Variants in CNTN4 observed in about 807,000 individuals in gnomAD.
The protein encoded by CNTN4 is contactin-4.
CNTN4 carries 77 observed loss-of-function variants against 122.5 expected under a neutral mutation model. That is an observed-to-expected ratio of 0.63 (90% CI 0.52 to 0.76). CNTN4 has a LOEUF of 0.76. Among genes scored for constraint, CNTN4 ranks in the 30% least tolerant of loss-of-function variants. The pLI is 0.00. For synonymous variants in CNTN4, 512 were observed against 447.0 expected, an observed-to-expected ratio of 1.15 and a Z score of -1.83; for missense variants, 1,256 against 1,259.1, an observed-to-expected ratio of 1.00 and a Z score of 0.04.
At chr3:2,227,745 C>T (rs1388628999) in intron 2 of CNTN4, among the ~76,000 whole-genome samples, 2 of 152,104 alleles carry the variant, frequency 1.3e-5, no homozygotes, top group Non-Finnish European at 1.5e-5. Context: ...TGCACCTCTT[C>T]CTGGCAGATG....
chr3:2,705,627 TA>T (rs1202349792), intron 4 of CNTN4, among the ~76,000 whole-genome samples: 1 of 51,258 alleles, frequency 2.0e-5, no homozygotes, highest in Non-Finnish European at 3.3e-5. Context: ...ATATAATATA[TA>T]AATATATATA....
At chr3:2,824,330 G>A (rs968564685) in intron 7 of CNTN4, among the ~76,000 whole-genome samples, 4 of 151,902 alleles carry the variant, frequency 2.6e-5, no homozygotes, top group African/African-American at 7.2e-5. Context: ...GCTGGTGTGC[G>A]CCTATAATCC....
chr3:2,295,734 A>G (rs987053293), intron 2 of CNTN4, among the ~76,000 whole-genome samples: 176 of 152,144 alleles, frequency 1.2e-3, no homozygotes, highest in African/African-American at 4.0e-3. Context: ...TTGGTGTTTT[A>G]GACATGAAGT....
intron 4 of CNTN4, among the ~76,000 whole-genome samples, chr3:2,583,548 G>A (rs2080043563): frequency 6.6e-6 from 1 of 152,134 alleles, no homozygotes; most frequent in African/African-American, 2.4e-5. Flanking sequence ...GTATTTGATT[G>A]GCTTTGTCAA....
At chr3:2,996,133 G>A (rs1695512601) in intron 14 of CNTN4, among the ~76,000 whole-genome samples, 1 of 152,114 alleles carries the variant, frequency 6.6e-6, no homozygotes, top group Non-Finnish European at 1.5e-5. Flanking sequence ...GTGAGATTAT[G>A]TGAAAGGACT....
intron 12 of CNTN4, among the ~76,000 whole-genome samples, chr3:2,916,371 C>G (rs950206795): frequency 3.4e-5 from 5 of 148,874 alleles, no homozygotes; most frequent in African/African-American, 1.2e-4. Context: ...GTTTGTGTCC[C>G]TGGGTACTTG....
intron 4 of CNTN4, among the ~76,000 whole-genome samples, chr3:2,624,627 CTTT>C (rs1175851279): frequency 1.8e-4 from 16 of 89,930 alleles, no homozygotes; most frequent in Admixed American, 4.1e-4. Context: ...ATTTCTGATT[CTTT>C]TTTTTTTTTT....
At chr3:2,562,795 C>G (rs926701430) in intron 3 of CNTN4, among the ~76,000 whole-genome samples, 12 of 151,862 alleles carry the variant, frequency 7.9e-5, no homozygotes, top group Admixed American at 2.6e-4. Flanking sequence ...ACGATCTTGG[C>G]TCACTGCAGA....
At chr3:2,755,114 C>T (rs180755452) in intron 6 of CNTN4, among the ~76,000 whole-genome samples, 156 of 152,202 alleles carry the variant, frequency 1.0e-3, no homozygotes, top group Admixed American at 1.8e-3. Flanking sequence ...CTTCTATTCA[C>T]GGTAATTTTC....
intron 8 of CNTN4, among the ~76,000 whole-genome samples, chr3:2,869,433 G>A (rs1489809632): frequency 6.6e-6 from 1 of 152,172 alleles, no homozygotes; most frequent in African/African-American, 2.4e-5. Context: ...CAGTGGAAGA[G>A]AAAATCAAGG....
At chr3:2,569,357 G>C (rs1221564061) in intron 3 of CNTN4, among the ~76,000 whole-genome samples, 4 of 152,168 alleles carry the variant, frequency 2.6e-5, no homozygotes, top group Non-Finnish European at 4.4e-5. Context: ...ATGTTTTCAT[G>C]TAAGCCTGTG....
intron 2 of CNTN4, among the ~76,000 whole-genome samples, chr3:2,119,643 C>G (rs2033591898): frequency 6.6e-6 from 1 of 152,146 alleles, no homozygotes; most frequent in Non-Finnish European, 1.5e-5. Flanking sequence ...CCAGGTGTGG[C>G]TTTTGTCTTC....
intron 20 of CNTN4, among the ~76,000 whole-genome samples, chr3:3,040,885 CCACTG>C (rs1320961508): frequency 2.0e-5 from 3 of 151,872 alleles, no homozygotes; most frequent in Non-Finnish European, 2.9e-5. Flanking sequence ...CGAGATCGCA[CCACTG>C]CACTCCAGCC....
chr3:2,510,067 C>G (rs2076839655), intron 3 of CNTN4, among the ~76,000 whole-genome samples: 1 of 152,152 alleles, frequency 6.6e-6, no homozygotes, highest in Non-Finnish European at 1.5e-5. Flanking sequence ...ACTTACTGAG[C>G]ATGATGTTTC....
At chr3:3,054,198 A>G (rs1701554924) in intron 24 of CNTN4, among the ~76,000 whole-genome samples, 1 of 152,330 alleles carries the variant, frequency 6.6e-6, no homozygotes, top group East Asian at 1.9e-4. Context: ...CAAAAATCAG[A>G]TTAAAGCAGA....
At chr3:2,963,069 A>C (rs2125021960) in intron 13 of CNTN4, among the ~76,000 whole-genome samples, 1 of 152,216 alleles carries the variant, frequency 6.6e-6, no homozygotes, top group African/African-American at 2.4e-5. Flanking sequence ...GATTATGTTC[A>C]TGTTTTTGGC....
intron 3 of CNTN4, among the ~76,000 whole-genome samples, chr3:2,555,199 C>T (rs924348851): frequency 6.6e-6 from 1 of 152,162 alleles, no homozygotes; most frequent in African/African-American, 2.4e-5. Flanking sequence ...CTTCGTGAGT[C>T]ACTTATCCAC....
chr3:2,863,449 T>TC (rs1387645952), intron 7 of CNTN4, among the ~76,000 whole-genome samples: 1 of 149,318 alleles, frequency 6.7e-6, no homozygotes, highest in East Asian at 1.9e-4. Context: ...TTCTTCTTTT[T>TC]TTTTTTTTTT....
At chr3:2,212,914 C>T (rs182695715) in intron 2 of CNTN4, among the ~76,000 whole-genome samples, 43 of 152,216 alleles carry the variant, frequency 2.8e-4, no homozygotes, top group Non-Finnish European at 4.9e-4. Flanking sequence ...AAAATGTGAT[C>T]CACAGATCAT....
Sources: allele counts gnomAD v4.1 joint callset (sites outside exome capture counted in the v4.1 genomes callset), GRCh38; gene constraint gnomAD v4.1.1; transcripts MANE v1.5; gene names NCBI Gene and HGNC (gene_info 2026-07-23, HGNC 2026-07-21).